The following WNK2 variants were observed in gnomAD, a reference collection of about 807,000 sequenced individuals.
WNK2 encodes WNK lysine deficient protein kinase 2, also known as serine/threonine-protein kinase WNK2.
In WNK2, 67 loss-of-function variants were observed where a neutral mutation model predicts 192.1. The ratio of observed to expected loss-of-function variants is 0.35; its 90% CI spans 0.29 to 0.43. The LOEUF (loss-of-function observed/expected upper bound fraction) is 0.43. WNK2 is among the 20% of genes least tolerant of loss of function. The pLI, the probability that WNK2 is intolerant of heterozygous loss-of-function variation, is 1.00. For missense variants in WNK2, 2,698 were observed against 3,089.7 expected, an observed-to-expected ratio of 0.87 and a Z score of 3.01; for synonymous variants, 1,439 against 1,393.9, an observed-to-expected ratio of 1.03 and a Z score of -0.72.
At chr9:93,233,746 C>T (rs540008533) in intron 4 of WNK2, among the ~76,000 whole-genome samples, 43 of 145,754 alleles carry the variant, frequency 3.0e-4, no homozygotes, top group African/African-American at 8.3e-4. Flanking sequence ...ATTGAAATGA[C>T]GGGTAAACAA....
Position 93,230,870 on chromosome 9 carries a change from G to GGT in WNK2, c.855-18_855-17insGT. ...GCCGGCGAGCTGCTTGGTGAGCTGT[G>GGT]CCCGTGAACCCCTGCAGATACCTGA... On this transcript the variant is annotated splice_polypyrimidine_tract_variant and intron_variant, in intron 3 of 29. Coordinates refer to ENST00000427277, the MANE Select transcript of WNK2 (RefSeq NM_006648.4). The GGT allele has an allele frequency of 1.9e-6, 3 of 1,606,396 alleles. No individual in the cohort carries two copies. Among genetic ancestry groups the GGT allele is most frequent in the Admixed American group, 1.7e-5 (1 of 59,108 alleles).
intron 12 of WNK2, among the ~76,000 whole-genome samples, chr9:93,260,501 G>A (rs935093702): frequency 6.6e-6 from 1 of 152,130 alleles, no homozygotes; most frequent in Non-Finnish European, 1.5e-5. Flanking sequence ...CTCAGCCTCC[G>A]CAGGAAAGCA....
rs774546835 is a variant in WNK2, at chr9:93,306,723, G to A, written c.6215-54G>A. ...GCTTAGTGTGGTAGCGTGTCCCAGT[G>A]TGTGCTGTTCTGCCTAACCCTGTGG... On this transcript the variant is annotated intron_variant, in intron 26 of 29. Coordinates refer to ENST00000427277, the MANE Select transcript of WNK2 (RefSeq NM_006648.4). The A allele has an allele frequency of 2.5e-6, 4 of 1,609,352 alleles. No homozygotes were observed. In the Admixed American group the frequency reaches 6.7e-5, roughly 27 times the overall value.
intron 2 of WNK2, among the ~76,000 whole-genome samples, chr9:93,191,337 C>T (rs1830297169): frequency 6.6e-6 from 1 of 152,098 alleles, no homozygotes; most frequent in Non-Finnish European, 1.5e-5. Context: ...TGGGTCTCAA[C>T]AGTGCAGGCT....
In WNK2 at chr9:93,239,255, C is replaced by T. The variant is rs1234187003; in HGVS notation, c.1323-502C>T. 6.6e-6 allele frequency among the ~76,000 whole-genome samples: 1 copy of T among 152,250 alleles called. No homozygotes were observed. The highest frequency in any genetic ancestry group is 6.5e-5 in the Admixed American group (1 of 15,288). The stretch of plus-strand genomic sequence containing the variant: ...ACTCTCCTCCAGCTCACCCTCTGCT[C>T]TGCTCTCTGTCATCTGGCCAGCATC... On this transcript the variant is annotated intron_variant, in intron 6 of 29. Transcript: ENST00000427277. This position sits in a 1 kb window ranked among gnomAD's most constrained non-coding sequence, Gnocchi z 4.2.
At position 93,248,600 on chromosome 9, in the gene WNK2, C is replaced by T. The variant is rs77120515; in HGVS notation, c.1834+766C>T. Among the ~76,000 whole-genome samples the T allele has an allele frequency of 4.5e-3, 685 of 152,298 alleles. 5 individuals carry two copies. Among genetic ancestry groups the T allele is most frequent in the African/African-American group, 0.016 (649 of 41,558 alleles). Reference sequence around the variant, plus strand: ...GCTTGTGGTGTTGCCGTGGGGACCTCCCATCCCCCGTAGTATCTCCCTTCT... The same window carrying T: ...GCTTGTGGTGTTGCCGTGGGGACCTTCCATCCCCCGTAGTATCTCCCTTCT... On this transcript the variant is annotated intron_variant, in intron 8 of 29. Transcript: ENST00000427277.
chr9:93,292,191 C>T, intron 21 of WNK2, 117 bp from the exon 22 acceptor site: 1 of 1,027,022 alleles, frequency 9.7e-7, no homozygotes, highest in Non-Finnish European at 1.5e-6. Flanking sequence ...CTTCCATTGT[C>T]CTGCCTGTCT....
chr9:93,292,524 G>T lies in WNK2; in HGVS notation c.5059G>T (p.Glu1687Ter), dbSNP rs1251188355. 1 of 1,584,204 alleles carries T rather than the reference G, an allele frequency of 6.3e-7. No individual in the cohort carries two copies. Among genetic ancestry groups the T allele is most frequent in the Non-Finnish European group, 8.6e-7 (1 of 1,163,296 alleles). ...VPAFVRPARV[E>*]PTDRDGGEAG... The stretch of plus-strand genomic sequence containing the variant: ...TGCTTTTGTGAGACCTGCACGTGTG[G>T]AGCCCACAGACAGGGATGGTGGAGA... Residue 1687 changes from glutamate to a stop codon, truncating the protein, a stop_gained, in exon 23 of 30, where the codon GAG becomes TAG. Transcript: ENST00000427277. LOFTEE classifies it high-confidence loss of function.
At chr9:93,240,106 C>G in intron 7 of WNK2, 130 bp downstream of exon 7, 2 of 975,720 alleles carry the variant, frequency 2.0e-6, no homozygotes, top group Non-Finnish European at 3.1e-6. Flanking sequence ...TGTGGCGGTG[C>G]CATCCAGGCA....
intron 13 of WNK2, 116 bp from the exon 14 acceptor site, chr9:93,262,554 A>G (rs1034173813): frequency 3.5e-6 from 4 of 1,135,382 alleles, no homozygotes; most frequent in Admixed American, 3.8e-5. Context: ...AGGAGAACGC[A>G]GCGGGGCAGG....
rs1849541504 is a variant in WNK2 at position 93,292,634 on chromosome 9, T to C, written c.5169T>C (p.Ala1723=). 2 of 1,582,734 alleles carry C rather than the reference T, an allele frequency of 1.3e-6. No homozygotes were observed. The highest frequency in any genetic ancestry group is 1.4e-5 in the African/African-American group (1 of 73,644). ...CTAGCCACCCCCAGACACTCGGCGC[T>C]CGAGCTTTGGGGTCCCCTCGGAAAC... ...GQASHPQTLG[A]RALGSPRKRP... The change falls in exon 23 of 30, where the codon GCT becomes GCC. Residue 1723 remains alanine, a synonymous_variant. Transcript: ENST00000427277.
At chr9:93,306,325 C>T (rs931136544) in intron 26 of WNK2, among the ~76,000 whole-genome samples, 2 of 152,206 alleles carry the variant, frequency 1.3e-5, no homozygotes, top group South Asian at 2.1e-4. Flanking sequence ...GGAAAACCTC[C>T]GATGGGCTTC....
chr9:93,252,336 G>T (rs1440272463), intron 8 of WNK2, among the ~76,000 whole-genome samples: 2 of 152,234 alleles, frequency 1.3e-5, no homozygotes, highest in South Asian at 2.1e-4. Flanking sequence ...CCCTGCCACC[G>T]CATCCACCAC....
intron 11 of WNK2, among the ~76,000 whole-genome samples, chr9:93,258,421 T>G (rs1359286091): frequency 6.6e-6 from 1 of 152,344 alleles, no homozygotes; most frequent in African/African-American, 2.4e-5. Context: ...AGGTTTCAAC[T>G]TGAATTTGTG....
chr9:93,206,689 A>G (rs112068611), intron 2 of WNK2, among the ~76,000 whole-genome samples: 2,748 of 152,236 alleles, frequency 0.018, 39 homozygotes, highest in Admixed American at 0.022. Context: ...ATGGGCCCCA[A>G]TGCTTCTGCT....
Position 93,185,265 on chromosome 9 carries a change from G to A in WNK2, c.336G>A (p.Ala112=). The A allele has an allele frequency of 1.1e-5, 14 of 1,280,158 alleles. No individual in the cohort carries two copies. The highest frequency in any genetic ancestry group is 1.4e-5 in the Non-Finnish European group (14 of 1,018,692). 79.3% of individuals were successfully genotyped at this position (1,280,158 alleles called of 1,614,324 possible). The change falls in exon 2 of 30, where the codon GCG becomes GCA. Residue 112 remains alanine, a synonymous_variant. Coordinates refer to ENST00000427277, the MANE Select transcript of WNK2 (RefSeq NM_006648.4). ...AGCCGGGAGCCCCCGGAGCCCCCGC[G>A]GACGCCGGCCCCGAGCCCGTGGGCA... ...VAQPGAPGAP[A]DAGPEPVGTQ...
Position 93,247,539 on chromosome 9 carries a change from A to G in WNK2, c.1543-4A>G, listed in dbSNP as rs377335854. On this transcript the variant is annotated splice_polypyrimidine_tract_variant and splice_region_variant and intron_variant, in intron 7 of 29. Transcript: ENST00000427277. The surrounding 1 kb of genome is among the most constrained non-coding windows in gnomAD (Gnocchi z 5.2). ...CGATGCTGACAACATGACTGCCTTT[A>G]CAGATTGAGTCTGGATTCTTCCACG... 12 of 1,608,800 alleles carry G rather than the reference A, an allele frequency of 7.5e-6. No individual in the cohort carries two copies. Among genetic ancestry groups the G allele is most frequent in the Non-Finnish European group, 1.0e-5 (12 of 1,178,002 alleles).
chr9:93,285,590 G>T (rs957573366), intron 19 of WNK2, among the ~76,000 whole-genome samples: 1 of 152,160 alleles, frequency 6.6e-6, no homozygotes, highest in Non-Finnish European at 1.5e-5. Flanking sequence ...TGAGTAGGAA[G>T]ATATGTACCA....
intron 20 of WNK2, 77 bp downstream of exon 20, chr9:93,289,697 G>T: frequency 7.3e-7 from 1 of 1,370,386 alleles, no homozygotes; most frequent in Non-Finnish European, 9.6e-7. Flanking sequence ...GGGGTGGGCA[G>T]GCATCTTGGC....
Sources: gnomAD v4.1 joint callset for allele counts (sites outside exome capture counted in the v4.1 genomes callset) on GRCh38, gnomAD v4.1.1 for gene constraint, Gnocchi (gnomAD v3.1) non-coding constraint, MANE v1.5 for transcripts, NCBI Gene and HGNC (gene_info 2026-07-23, HGNC 2026-07-21) for gene names.